Variants in ARSG observed in about 807,000 individuals in gnomAD.
The protein encoded by ARSG is ASG.
A neutral mutation model predicts 50.5 loss-of-function variants in ARSG; 37 were observed. The ratio of observed to expected loss-of-function variants is 0.73; its 90% CI spans 0.56 to 0.96. The LOEUF (loss-of-function observed/expected upper bound fraction) is 0.96. Ranked by LOEUF, ARSG falls within the 50% of genes least tolerant of loss-of-function variation. The pLI, the probability that ARSG is intolerant of heterozygous loss-of-function variation, is 0.00. For synonymous variants in ARSG, 225 were observed against 254.6 expected, an observed-to-expected ratio of 0.88 and a Z score of 1.11; for missense variants, 629 against 675.3, an observed-to-expected ratio of 0.93 and a Z score of 0.76.
chr17:68,335,863 A>G (rs2077995283), intron 2 of ARSG, among the ~76,000 whole-genome samples: 1 of 152,238 alleles, frequency 6.6e-6, no homozygotes, highest in South Asian at 2.1e-4. Context: ...TCGGGGCAGC[A>G]GATAAGCCCA....
the ARSG span, among the ~76,000 whole-genome samples, chr17:68,436,226 G>A: frequency 2.6e-5 from 4 of 152,298 alleles, no homozygotes; most frequent in Non-Finnish European, 4.4e-5. Context: ...CAGCAAGCCC[G>A]AGGGGAAATA....
rs186906129 is a variant in ARSG at position 68,358,759 on chromosome 17, C to A, written c.704+1955C>A. Among the ~76,000 whole-genome samples the A allele has an allele frequency of 3.5e-4, 53 of 152,034 alleles. No homozygotes were observed. In the East Asian group the frequency reaches 6.0e-3, roughly 17 times the overall value. ...TGTGAATCTGTAGTGCCAGCTAACTCGGGTGGCTGAACTGGGAGAATCACT... is the reference window on the plus strand; with the variant it reads ...TGTGAATCTGTAGTGCCAGCTAACTAGGGTGGCTGAACTGGGAGAATCACT... On this transcript the variant is annotated intron_variant, in intron 6 of 11. Coordinates refer to ENST00000621439, the MANE Select transcript of ARSG (RefSeq NM_001267727.2).
the ARSG span, chr17:68,448,588 G>C: frequency 1.3e-5 from 2 of 152,124 alleles, no homozygotes; most frequent in African/African-American, 2.4e-5. Flanking sequence ...GGCCTTCCTT[G>C]TCCCATTTGC....
chr17:68,324,182 T>C (rs1239569923), intron 2 of ARSG, among the ~76,000 whole-genome samples: 1 of 151,780 alleles, frequency 6.6e-6, no homozygotes, highest in Admixed American at 6.6e-5. Flanking sequence ...ATTAACGAAG[T>C]CCACACTCAC....
At chr17:68,304,912 G>A (rs782226265) in intron 1 of ARSG, among the ~76,000 whole-genome samples, 3 of 152,174 alleles carry the variant, frequency 2.0e-5, no homozygotes, top group Non-Finnish European at 4.4e-5. Context: ...GGTGACTCAT[G>A]CATGTAATCC....
intron 8 of ARSG, among the ~76,000 whole-genome samples, chr17:68,380,225 C>G (rs2080366460): frequency 6.6e-6 from 1 of 150,608 alleles, no homozygotes; most frequent in Non-Finnish European, 1.5e-5. Context: ...TCCTTCCTTC[C>G]TTTCTCTCTT....
intron 1 of ARSG, among the ~76,000 whole-genome samples, chr17:68,261,926 G>T (rs782718498): frequency 5.3e-5 from 8 of 151,966 alleles, no homozygotes; most frequent in Non-Finnish European, 1.2e-4. Flanking sequence ...GCTGAAGCAG[G>T]TAGATCACCT....
chr17:68,413,658 G>A (rs138868547), intron 11 of ARSG: 1,656 of 156,670 alleles, frequency 0.011, 40 homozygotes, highest in African/African-American at 0.038. Flanking sequence ...CGAGCTTCCC[G>A]GCTGCTTTGG....
chr17:68,323,057 G>C (rs571425912), intron 2 of ARSG, among the ~76,000 whole-genome samples: 4 of 149,490 alleles, frequency 2.7e-5, no homozygotes, highest in East Asian at 2.0e-4. Flanking sequence ...CTCTCTCTCT[G>C]ATGTTATCAT....
At chr17:68,259,730 G>T (rs1451587996) in intron 1 of ARSG, among the ~76,000 whole-genome samples, 3 of 152,114 alleles carry the variant, frequency 2.0e-5, no homozygotes, top group Non-Finnish European at 2.9e-5. Flanking sequence ...CCGTGTGTTT[G>T]TTACACTTGC....
chr17:68,293,368 C>T (rs1317677637), intron 1 of ARSG, among the ~76,000 whole-genome samples: 1 of 152,116 alleles, frequency 6.6e-6, no homozygotes, highest in Non-Finnish European at 1.5e-5. Flanking sequence ...AATCTCTGTA[C>T]TTCAGTCTCT....
At chr17:68,273,065 T>A (rs73998070) in intron 1 of ARSG, among the ~76,000 whole-genome samples, 2,320 of 152,100 alleles carry the variant, frequency 0.015, 59 homozygotes, top group African/African-American at 0.054. Flanking sequence ...TGCATGAAAT[T>A]TTATATAAGA....
intron 1 of ARSG, chr17:68,273,753 A>G: frequency 1.6e-6 from 1 of 615,770 alleles, no homozygotes; most frequent in Non-Finnish European, 2.6e-6. Context: ...ACAGATTCCC[A>G]GGTCCCCTGA....
At chr17:68,297,307 G>A (rs1419518519) in intron 1 of ARSG, among the ~76,000 whole-genome samples, 1 of 152,250 alleles carries the variant, frequency 6.6e-6, no homozygotes, top group Non-Finnish European at 1.5e-5. Flanking sequence ...ATACTCCAAG[G>A]ATGCCAGCTA....
the ARSG span, among the ~76,000 whole-genome samples, chr17:68,437,574 G>A: frequency 6.6e-6 from 1 of 151,544 alleles, no homozygotes; most frequent in South Asian, 2.1e-4. Context: ...AAAAGAAACC[G>A]AGCAATTTCT....
At chr17:68,318,550 G>A (rs1555769459) in intron 2 of ARSG, among the ~76,000 whole-genome samples, 2 of 152,238 alleles carry the variant, frequency 1.3e-5, no homozygotes, top group Admixed American at 6.5e-5. Flanking sequence ...TCGTGAGAGA[G>A]AGGTGGCCAC....
At position 68,391,856 on chromosome 17, in the gene ARSG, G is replaced by T. The variant is rs189429507; in HGVS notation, c.1092-3217G>T. On this transcript the variant is annotated intron_variant, in intron 9 of 11. Coordinates refer to ENST00000621439, the MANE Select transcript of ARSG (RefSeq NM_001267727.2). ...TTGTTTCTTAAGAGATAAGCCACCA[G>T]CTCCATGGACTGTGGGAGCCAAAGG... 3.3e-5 allele frequency among the ~76,000 whole-genome samples: 5 copies of T among 152,328 alleles called. 1 individual carries two copies. The highest frequency in any genetic ancestry group is 2.6e-4 in the Admixed American group (4 of 15,300).
chr17:68,277,621 G>A (rs2075566701), intron 1 of ARSG, among the ~76,000 whole-genome samples: 1 of 152,010 alleles, frequency 6.6e-6, no homozygotes, highest in Non-Finnish European at 1.5e-5. Context: ...GTAGAGATGG[G>A]GTTTCGCCAT....
the ARSG span, among the ~76,000 whole-genome samples, chr17:68,437,957 A>AAAAAAAAAAAAAAG: frequency 6.8e-6 from 1 of 148,128 alleles, no homozygotes; most frequent in Non-Finnish European, 1.5e-5. Context: ...TTAAAAAAAA[A>AAAAAAAAAAAAAAG]AAAAAAAAAA....
Sources: gnomAD v4.1 joint callset for allele counts (sites outside exome capture counted in the v4.1 genomes callset) on GRCh38, gnomAD v4.1.1 for gene constraint, MANE v1.5 for transcripts, NCBI Gene and HGNC (gene_info 2026-07-23, HGNC 2026-07-21) for gene names.